Variants in ESPN observed in about 807,000 individuals in gnomAD.
ESPN encodes the protein espin, also known as autosomal recessive deafness type 36 protein.
A neutral mutation model predicts 77.7 loss-of-function variants in ESPN; 68 were observed. That is an observed-to-expected ratio of 0.87 (90% CI 0.72 to 1.07). The LOEUF (loss-of-function observed/expected upper bound fraction) is 1.07, where lower values mean the gene tolerates loss of function less well. ESPN is among the 50% of genes least tolerant of loss of function. The pLI is 0.00. For synonymous variants in ESPN, 449 were observed against 567.1 expected (o/e 0.79, Z 2.96); for missense variants, 1,060 against 1,239.0 (o/e 0.86, Z 2.17).
chr1:6,442,945 G>C (rs1464679862), intron 5 of ESPN: 1 of 151,708 alleles, frequency 6.6e-6, no homozygotes, highest in Non-Finnish European at 1.5e-5. Context: ...TGAGGCGGCG[G>C]GTGGATCACC....
Position 6,460,549 on chromosome 1 carries a change from G to A in ESPN, c.*403G>A, listed in dbSNP as rs1644141521. The A allele has an allele frequency of 5.5e-6, 1 of 180,304 alleles. No homozygotes were observed. Among genetic ancestry groups the A allele is most frequent in the South Asian group, 1.3e-4 (1 of 7,876 alleles). 11.2% of individuals were successfully genotyped at this position (180,304 alleles called of 1,614,324 possible). On this transcript the variant is annotated 3_prime_UTR_variant, in exon 13 of 13. Transcript: ENST00000645284. ...CCGCACCCCGGAACCGGCGTCGCTG[G>A]CGCATCCTGGGTGGAGGCAGGCCCC...
At position 6,459,061 on chromosome 1, in the gene ESPN, T is replaced by G. The variant is rs371230131; in HGVS notation, c.2418-938T>G. ...TTCAAGACCAGCCTGACCAACATGGTGAAACCCCGTCTCTACTAAAAATAC... is the reference window on the plus strand; with the variant it reads ...TTCAAGACCAGCCTGACCAACATGGGGAAACCCCGTCTCTACTAAAAATAC... On this transcript the variant is annotated intron_variant, in intron 12 of 12. Coordinates refer to ENST00000645284, the MANE Select transcript of ESPN (RefSeq NM_031475.3). 3.3e-5 allele frequency among the ~76,000 whole-genome samples: 5 copies of G among 151,624 alleles called. No individual in the cohort carries two copies. In the East Asian group the frequency reaches 9.7e-4, roughly 29 times the overall value.
In ESPN at chr1:6,450,623, G is replaced by A. The variant is rs1191167267; in HGVS notation, c.1916-980G>A. Among the ~76,000 whole-genome samples the A allele has an allele frequency of 6.6e-6, 1 of 152,094 alleles. No homozygotes were observed. The highest frequency in any genetic ancestry group is 6.5e-5 in the Admixed American group (1 of 15,268). ...AACCTCGAAGAATGGGTGGGGCCTT[G>A]CACCTCATACCTACCCTCATACCCA... is the stretch of plus-strand genomic sequence containing the variant. On this transcript the variant is annotated intron_variant, in intron 8 of 12. Coordinates refer to ENST00000645284, the MANE Select transcript of ESPN (RefSeq NM_031475.3). This position sits in a 1 kb window ranked among gnomAD's most constrained non-coding sequence, Gnocchi z 4.3.
Position 6,447,876 on chromosome 1 carries a change from G to C in ESPN, c.1465-765G>C, listed in dbSNP as rs115330145. Among the ~76,000 whole-genome samples, 11,300 of 152,246 alleles carry C rather than the reference G, an allele frequency of 0.074. 531 individuals carry two copies. The highest frequency in any genetic ancestry group is 0.12 in the African/African-American group (5,069 of 41,538). On this transcript the variant is annotated intron_variant, in intron 7 of 12. Transcript: ENST00000645284. The surrounding 1 kb of genome is among the most constrained non-coding windows in gnomAD (Gnocchi z 5.2). The stretch of plus-strand genomic sequence containing the variant: ...CAGGGGGCGGGGTCACATCTGGCCG[G>C]GGACGGGTGCAGAGCCGCGGCCAGG...
At position 6,440,669 on chromosome 1, in the gene ESPN, G is replaced by A. The variant is rs757768107; in HGVS notation, c.719G>A (p.Gly240Asp). The stretch of plus-strand genomic sequence containing the variant: ...AGCCTGTCCGAGCAGGACAAAGACG[G>A]CGCCACCGCCATGCACTTCGCGGCG... ...DVSLSEQDKDGATAMHFAASR... is the reference protein window; with the variant it reads ...DVSLSEQDKDDATAMHFAASR... Residue 240 changes from glycine (G) to aspartate (D), a missense_variant, in exon 4 of 13, where the codon GGC becomes GAC. Coordinates refer to ENST00000645284, the MANE Select transcript of ESPN (RefSeq NM_031475.3). 7.2e-6 allele frequency: 11 copies of A among 1,533,258 alleles called. No homozygotes were observed. The South Asian group carries it at 1.3e-4, about 18-fold the overall frequency. The allele number at this position is 1,533,258 out of a possible 1,614,324, so 95.0% of individuals were successfully genotyped here.
Position 6,451,623 on chromosome 1 carries a change from A to T in ESPN, c.1936A>T (p.Met646Leu), listed in dbSNP as rs780230902. 1 of 1,613,076 alleles carries T rather than the reference A, an allele frequency of 6.2e-7. No individual in the cohort carries two copies. Reference protein sequence around the residue: ...STGSTKSFNMMSPTGDNSELL... With the variant: ...STGSTKSFNMLSPTGDNSELL... ...CATAGGCACCAAGTCTTTCAACATG[A>T]TGTCCCCGACGGGCGACAACTCGGA... The change falls in exon 9 of 13, where the codon ATG (methionine) becomes TTG (leucine). Residue 646 changes from methionine (M) to leucine (L), a missense_variant. Coordinates refer to ENST00000645284, the MANE Select transcript of ESPN (RefSeq NM_031475.3). The surrounding 1 kb of genome is among the most constrained non-coding windows in gnomAD (Gnocchi z 4.3).
intron 5 of ESPN, among the ~76,000 whole-genome samples, 173 bp downstream of exon 5, chr1:6,441,238 G>A (rs567428797): frequency 5.7e-4 from 86 of 152,148 alleles, no homozygotes; most frequent in Admixed American, 5.9e-4. Flanking sequence ...TGAGGGAGTA[G>A]AGGCACAAAG....
chr1:6,432,313 G>C (rs978598773), intron 2 of ESPN, among the ~76,000 whole-genome samples: 9 of 152,212 alleles, frequency 5.9e-5, no homozygotes, highest in Non-Finnish European at 1.3e-4. Flanking sequence ...CAGGCCGTGG[G>C]GGCTCATTCC....
chr1:6,455,222 G>A (rs925280871), intron 10 of ESPN: 6 of 389,512 alleles, frequency 1.5e-5, no homozygotes, highest in Non-Finnish European at 2.7e-5. Context: ...CGCGCCGGCC[G>A]CCCCTCTGCA....
In ESPN at chr1:6,460,532, C is replaced by T. The variant is rs1463385024; in HGVS notation, c.*386C>T. 5.5e-6 allele frequency: 1 copy of T among 181,794 alleles called. No individual in the cohort carries two copies. Among genetic ancestry groups the T allele is most frequent in the Non-Finnish European group, 1.2e-5 (1 of 86,128 alleles). 11.3% of individuals were successfully genotyped at this position (181,794 alleles called of 1,614,324 possible). A position where few individuals can be genotyped will look rare whatever the true frequency, so the allele number is the denominator to read the frequency against. Reference sequence around the variant, plus strand: ...GGATGCAGCCCCCTCCCCCGCACCCCGGAACCGGCGTCGCTGGCGCATCCT... The same window carrying T: ...GGATGCAGCCCCCTCCCCCGCACCCTGGAACCGGCGTCGCTGGCGCATCCT... On this transcript the variant is annotated 3_prime_UTR_variant, in exon 13 of 13. Transcript: ENST00000645284.
At chr1:6,455,303 C>T (rs1168428583) in intron 10 of ESPN, 4 of 386,964 alleles carry the variant, frequency 1.0e-5, no homozygotes, top group African/African-American at 2.1e-5. Context: ...TCCTGGAGCA[C>T]TGGCGCCGCT....
In ESPN at chr1:6,451,238, GAAC is replaced by G. The variant is rs1223573748; in HGVS notation, c.1916-364_1916-362del. 5.3e-6 allele frequency: 2 copies of G among 377,282 alleles called. No homozygotes were observed. The highest frequency in any genetic ancestry group is 1.0e-5 in the Non-Finnish European group (2 of 197,366). 23.4% of individuals were successfully genotyped at this position (377,282 alleles called of 1,614,324 possible). A position where few individuals can be genotyped will look rare whatever the true frequency, so the allele number is the denominator to read the frequency against. Reference sequence around the variant, plus strand: ...TCCACCCCAGCCGGGCTGAGCCAGGGAACCTGGGACAAAGGTCAGGTGGCTGAT... The same window carrying G: ...TCCACCCCAGCCGGGCTGAGCCAGGGCTGGGACAAAGGTCAGGTGGCTGAT... On this transcript the variant is annotated intron_variant, in intron 8 of 12. Transcript: ENST00000645284. The surrounding 1 kb of genome is among the most constrained non-coding windows in gnomAD (Gnocchi z 4.3).
chr1:6,461,060 C>CCGGGGTG, downstream of ESPN: 1 of 467,942 alleles, frequency 2.1e-6, no homozygotes, highest in Non-Finnish European at 4.3e-6. The surrounding 1 kb of genome is among the most constrained non-coding windows in gnomAD (Gnocchi z 6.3). Context: ...GTGCCAGATC[C>CCGGGGTG]CGGGGTGACA....
chr1:6,451,616 CA>C lies in ESPN; in HGVS notation c.1931del (p.Asn644ThrfsTer2). The C allele has an allele frequency of 6.2e-7, 1 of 1,613,080 alleles. No homozygotes were observed. Among genetic ancestry groups the C allele is most frequent in the Non-Finnish European group, 8.5e-7 (1 of 1,179,898 alleles). On this transcript the variant is annotated frameshift_variant, in exon 9 of 13. Coordinates refer to ENST00000645284, the MANE Select transcript of ESPN (RefSeq NM_031475.3). LOFTEE classifies it high-confidence loss of function. This position sits in a 1 kb window ranked among gnomAD's most constrained non-coding sequence, Gnocchi z 4.3. Reference sequence around the variant, plus strand: ...GCCTCCGCATAGGCACCAAGTCTTTCAACATGATGTCCCCGACGGGCGACAA... The same window carrying C: ...GCCTCCGCATAGGCACCAAGTCTTTCACATGATGTCCCCGACGGGCGACAA... ...SSSTGSTKSF[N>X]MMSPTGDNSE...
intron 2 of ESPN, 49 bp from the exon 3 acceptor site, chr1:6,440,205 G>A (rs1233655477): frequency 1.1e-5 from 17 of 1,529,458 alleles, no homozygotes; most frequent in Admixed American, 3.9e-5. Context: ...AGAAGGCCTC[G>A]GAGGGGGTGA....
chr1:6,454,856 G>A (rs1287733058), intron 10 of ESPN: 1 of 392,304 alleles, frequency 2.5e-6, no homozygotes, highest in Non-Finnish European at 4.5e-6. Flanking sequence ...TGCCCGACGC[G>A]CCCTGGCTGC....
chr1:6,431,679 G>A (rs1482883241), intron 2 of ESPN, among the ~76,000 whole-genome samples: 2 of 147,598 alleles, frequency 1.4e-5, no homozygotes, highest in African/African-American at 5.0e-5. Context: ...AAGGAAGAAA[G>A]GAAGGAAAGA....
chr1:6,445,584 C>G, intron 6 of ESPN, 80 bp from the exon 7 acceptor site: 1 of 1,515,870 alleles, frequency 6.6e-7, no homozygotes, highest in East Asian at 2.4e-5. Context: ...CAAGTTGTTT[C>G]CAGGTGGTGG....
At chr1:6,457,694 A>G (rs1644080853) in intron 12 of ESPN, among the ~76,000 whole-genome samples, 1 of 152,222 alleles carries the variant, frequency 6.6e-6, no homozygotes, top group Non-Finnish European at 1.5e-5. Flanking sequence ...GCTGGCCAAT[A>G]GAAATGTAAT....
Sources: gnomAD v4.1 joint callset for allele counts (sites outside exome capture counted in the v4.1 genomes callset) on GRCh38, gnomAD v4.1.1 for gene constraint, Gnocchi (gnomAD v3.1) non-coding constraint, MANE v1.5 for transcripts, NCBI Gene and HGNC (gene_info 2026-07-23, HGNC 2026-07-21) for gene names.